The following ZCCHC2 variants were observed in gnomAD, a reference collection of about 807,000 sequenced individuals.
ZCCHC2 encodes the protein zinc finger CCHC domain-containing protein 2.
A neutral mutation model predicts 103.6 loss-of-function variants in ZCCHC2; 39 were observed. The ratio of observed to expected loss-of-function variants is 0.38; its 90% confidence interval spans 0.29 to 0.49. ZCCHC2 has a LOEUF of 0.49. Among genes scored for constraint, ZCCHC2 ranks in the 20% least tolerant of loss-of-function variants. ZCCHC2 has a pLI of 0.96. For synonymous variants in ZCCHC2, 687 were observed against 608.9 expected, an observed-to-expected ratio of 1.13 and a Z score of -1.89; for missense variants, 1,483 against 1,491.0, an observed-to-expected ratio of 0.99 and a Z score of 0.09.
chr18:62,544,438 A>G (rs1488421351), intron 3 of ZCCHC2, among the ~76,000 whole-genome samples: 1 of 152,192 alleles, frequency 6.6e-6, no homozygotes, highest in Non-Finnish European at 1.5e-5. Flanking sequence ...CAGGAGATAG[A>G]ATTTTTATCT....
Position 62,560,590 on chromosome 18 carries a change from T to G in ZCCHC2, c.1496T>G (p.Val499Gly), listed in dbSNP as rs367672226. 81 of 1,613,256 alleles carry G rather than the reference T, an allele frequency of 5.0e-5. No homozygotes were observed. Among genetic ancestry groups the G allele is most frequent in the Non-Finnish European group, 6.9e-5 (81 of 1,179,538 alleles). The change falls in exon 8 of 14, where the codon GTG becomes GGG. Residue 499 changes from valine to glycine, a missense_variant. Physicochemically the swap from Val to Gly is moderately radical, Grantham distance 109 (BLOSUM62 -3). This residue lies in a region of ZCCHC2 where 884 missense variants were observed against 907.5 expected (regional missense o/e 0.97). Transcript: ENST00000269499. ...SSEASSQEED[V>G]LQHAIIHKKH... ...GTTACTTTTTCCTCTCTTCTAGATG[T>G]GTTGCAGCATGCCATAATCCACAAG...
intron 1 of ZCCHC2, among the ~76,000 whole-genome samples, chr18:62,535,923 TA>T (rs780543115): frequency 1.3e-5 from 2 of 152,216 alleles, no homozygotes; most frequent in African/African-American, 4.8e-5. Context: ...TTTTAAAAAA[TA>T]AAAAACTCTT....
Position 62,563,085 on chromosome 18 carries a change from A to G in ZCCHC2, c.1627A>G (p.Arg543Gly), listed in dbSNP as rs1326053018. The G allele has an allele frequency of 6.2e-7, 1 of 1,613,962 alleles. No individual in the cohort carries two copies. The highest frequency in any genetic ancestry group is 1.1e-5 in the South Asian group (1 of 91,090). Residue 543 changes from arginine to glycine, a missense_variant, in exon 9 of 14, where the codon AGG (arginine) becomes GGG (glycine). By Grantham distance (125) the Arg-to-Gly change is moderately radical. Transcript: ENST00000269499. Reference protein sequence around the residue: ...YSEQNGIVDWRKQSCTTIQHP... With the variant: ...YSEQNGIVDWGKQSCTTIQHP... ...TGAACAGAATGGAATTGTGGATTGG[A>G]GGAAGCAAAGCTGTACCACCATTCA...
rs1404618866 is a variant in ZCCHC2 at position 62,523,941 on chromosome 18, C to T, written c.517C>T (p.Leu173Phe). ...CCGAGAGCCCGCGGTGCGCTCGCGC[C>T]TCATCGTCTACCTGGCGCTGCTGGG... Reference protein sequence around the residue: ...DFREPAVRSRLIVYLALLGSE... With the variant: ...DFREPAVRSRFIVYLALLGSE... Residue 173 changes from leucine (L) to phenylalanine (F), a missense_variant, in exon 1 of 14, where the codon CTC (leucine) becomes TTC (phenylalanine). Coordinates refer to ENST00000269499, the MANE Select transcript of ZCCHC2 (RefSeq NM_017742.6). 6 of 1,523,844 alleles carry T rather than the reference C, an allele frequency of 3.9e-6. No individual in the cohort carries two copies. Among genetic ancestry groups the T allele is most frequent in the Admixed American group, 2.0e-5 (1 of 49,174 alleles). The allele number at this position is 1,523,844 out of a possible 1,614,324, so 94.4% of individuals were successfully genotyped here. A position where few individuals can be genotyped will look rare whatever the true frequency, so the allele number is the denominator to read the frequency against.
At chr18:62,530,447 T>TA (rs1421167897) in intron 1 of ZCCHC2, among the ~76,000 whole-genome samples, 1 of 152,222 alleles carries the variant, frequency 6.6e-6, no homozygotes, top group African/African-American at 2.4e-5. Flanking sequence ...CATGCATTCT[T>TA]TCTTGAGATT....
intron 5 of ZCCHC2, among the ~76,000 whole-genome samples, chr18:62,553,154 TTATGTGTGTGTGTG>T (rs1452074816): frequency 5.0e-4 from 63 of 125,816 alleles, no homozygotes; most frequent in African/African-American, 1.9e-3. Context: ...GCCCTTAGAT[TTATGTGTGTGTGTG>T]TGTGTGTGTG....
At chr18:62,586,697 G>A (rs3178105) in exon 15 of ZCCHC2, 112,230 of 151,870 alleles carry the variant, frequency 0.74, 42,055 homozygotes, top group East Asian at 1. Flanking sequence ...TCAAACTTCA[G>A]TGTCTACAAA....
At chr18:62,562,091 G>T (rs1041342853) in intron 8 of ZCCHC2, among the ~76,000 whole-genome samples, 1 of 152,030 alleles carries the variant, frequency 6.6e-6, no homozygotes, top group African/African-American at 2.4e-5. Flanking sequence ...CTGCCTCCTG[G>T]GTTCAAGCGA....
intron 5 of ZCCHC2, chr18:62,552,417 TGATTGTAG>T (rs1915703704): frequency 6.6e-6 from 1 of 152,202 alleles, no homozygotes; most frequent in African/African-American, 2.4e-5. Flanking sequence ...CTCCTGATAT[TGATTGTAG>T]GAGAACATAG....
At chr18:62,536,475 G>A (rs1331768359) in intron 1 of ZCCHC2, among the ~76,000 whole-genome samples, 1 of 152,126 alleles carries the variant, frequency 6.6e-6, no homozygotes, top group Non-Finnish European at 1.5e-5. Flanking sequence ...ATTTTCATGG[G>A]AATCTGAACT....
Position 62,523,782 on chromosome 18 carries a change from G to C in ZCCHC2, c.358G>C (p.Asp120His). The C allele has an allele frequency of 6.5e-7, 1 of 1,539,296 alleles. No homozygotes were observed. Among genetic ancestry groups the C allele is most frequent in the East Asian group, 2.5e-5 (1 of 40,512 alleles). The part of the protein sequence containing the change: ...QRLEFMCGLL[D>H]LCNPLELRFL... Reference sequence around the variant, plus strand: ...CCTGGAGTTCATGTGCGGGCTGCTGGACCTGTGCAACCCGCTGGAGCTGCG... The same window carrying C: ...CCTGGAGTTCATGTGCGGGCTGCTGCACCTGTGCAACCCGCTGGAGCTGCG... The change falls in exon 1 of 14, where the codon GAC (aspartate) becomes CAC (histidine). Residue 120 changes from aspartate (D) to histidine (H), a missense_variant. This residue lies in a region of ZCCHC2 where 568 missense variants were observed against 525.1 expected (regional missense o/e 1.08). Transcript: ENST00000269499.
At chr18:62,528,094 C>T (rs1027317278) in intron 1 of ZCCHC2, among the ~76,000 whole-genome samples, 1 of 152,172 alleles carries the variant, frequency 6.6e-6, no homozygotes, top group African/African-American at 2.4e-5. Flanking sequence ...GAGATTGTGT[C>T]ACCAAGATCT....
intron 11 of ZCCHC2, among the ~76,000 whole-genome samples, chr18:62,566,453 G>A (rs376193576): frequency 2.7e-4 from 41 of 152,244 alleles, no homozygotes; most frequent in South Asian, 2.1e-3. Context: ...GAAGTCTGTC[G>A]GTGGACATTT....
intron 12 of ZCCHC2, among the ~76,000 whole-genome samples, chr18:62,570,449 A>T (rs1016990397): frequency 6.6e-6 from 1 of 152,256 alleles, no homozygotes; most frequent in Non-Finnish European, 1.5e-5. Context: ...ATTTCACTGC[A>T]TATGAAGTTA....
At chr18:62,553,666 G>T (rs1306227643) in intron 5 of ZCCHC2, among the ~76,000 whole-genome samples, 1 of 152,144 alleles carries the variant, frequency 6.6e-6, no homozygotes, top group Non-Finnish European at 1.5e-5. Context: ...TAAAAAGGTA[G>T]CAGCACTTTA....
chr18:62,526,781 G>A (rs1183902922), intron 1 of ZCCHC2: 1 of 151,942 alleles, frequency 6.6e-6, no homozygotes, highest in African/African-American at 2.4e-5. Flanking sequence ...TCCGTGGCGC[G>A]GGGCTCCTCC....
intron 11 of ZCCHC2, 95 bp downstream of exon 11, chr18:62,565,191 C>A: frequency 3.3e-6 from 3 of 898,070 alleles, no homozygotes; most frequent in African/African-American, 1.7e-5. Context: ...TGTGTCAAAT[C>A]CTAATACTAT....
chr18:62,579,899 T>C (rs1033886694), downstream of ZCCHC2, among the ~76,000 whole-genome samples: 1 of 152,098 alleles, frequency 6.6e-6, no homozygotes, highest in African/African-American at 2.4e-5. Context: ...ATTTTTTTTT[T>C]TTGGTACTTT....
At chr18:62,558,636 T>G in intron 6 of ZCCHC2, 51 bp from the exon 7 acceptor site, 2 of 1,103,624 alleles carry the variant, frequency 1.8e-6, no homozygotes, top group African/African-American at 1.6e-5. Flanking sequence ...ATATTTGTTT[T>G]CTTTATTTTA....
Sources: gnomAD v4.1 joint callset for allele counts (sites outside exome capture counted in the v4.1 genomes callset) on GRCh38, gnomAD v4.1.1 for gene constraint, gnomAD v4.1.1 regional missense constraint, MANE v1.5 for transcripts, NCBI Gene and HGNC (gene_info 2026-07-23, HGNC 2026-07-21) for gene names.